The following BICD1 variants were observed in gnomAD, a reference collection of about 807,000 sequenced individuals.
BICD1 encodes protein bicaudal D homolog 1.
A neutral mutation model predicts 92.5 loss-of-function variants in BICD1; 35 were observed. The observed-to-expected ratio is 0.38, with a 90% CI of 0.29 to 0.50. The LOEUF is 0.50. Among genes scored for constraint, BICD1 ranks in the 20% least tolerant of loss-of-function variants. The pLI is 0.93. For missense variants in BICD1, 950 were observed against 1,189.8 expected (o/e 0.80, Z 2.97); for synonymous variants, 429 against 465.1 (o/e 0.92, Z 1.00).
At position 32,361,943 on chromosome 12, in the gene BICD1, A is replaced by T. The variant is rs115116052; in HGVS notation, c.2765-5727A>T. Among the ~76,000 whole-genome samples the T allele has an allele frequency of 2.1e-3, 314 of 152,338 alleles. 1 individual carries two copies. The highest frequency in any genetic ancestry group is 7.3e-3 in the African/African-American group (302 of 41,582). ...GTGCTCACCAGTGCCCACTGCTGCC[A>T]TCTGGGCCAGGTGTGGAGCCAAAAC... On this transcript the variant is annotated intron_variant, in intron 8 of 9. Coordinates refer to ENST00000652176, the MANE Select transcript of BICD1 (RefSeq NM_001714.4).
intron 1 of BICD1, among the ~76,000 whole-genome samples, chr12:32,120,862 A>C: frequency 8.9e-6 from 1 of 112,940 alleles, no homozygotes. Context: ...AGGAAAATCA[A>C]CCATTAGAGA....
At chr12:32,271,576 T>G (rs1238836257) in intron 2 of BICD1, among the ~76,000 whole-genome samples, 1 of 152,176 alleles carries the variant, frequency 6.6e-6, no homozygotes, top group Non-Finnish European at 1.5e-5. Context: ...AATCACTGCC[T>G]AAAACCAGTC....
intron 9 of BICD1, among the ~76,000 whole-genome samples, chr12:32,368,976 G>A (rs1006884731): frequency 2.0e-5 from 3 of 152,184 alleles, no homozygotes; most frequent in African/African-American, 7.2e-5. Context: ...CTGTGTTTCT[G>A]TTCTCTGTCC....
rs536971298 is a variant in BICD1, at chr12:32,108,621, ATTAT to A, written c.213+1084_213+1087del. ...GTTTGGCATATAATATCAAAAATCT[ATTAT>A]TTATTTTATGCTGTTACAGTTAAAA... On this transcript the variant is annotated intron_variant, in intron 1 of 9. Coordinates refer to ENST00000652176, the MANE Select transcript of BICD1 (RefSeq NM_001714.4). 1.4e-3 allele frequency: 931 copies of A among 682,008 alleles called. 1 individual carries two copies. Among genetic ancestry groups the A allele is most frequent in the Non-Finnish European group, 2.1e-3 (777 of 377,532 alleles). 42.2% of individuals were successfully genotyped at this position (682,008 alleles called of 1,614,324 possible). A position where few individuals can be genotyped will look rare whatever the true frequency, so the allele number is the denominator to read the frequency against.
At chr12:32,262,334 A>G (rs1946880878) in intron 2 of BICD1, among the ~76,000 whole-genome samples, 1 of 151,906 alleles carries the variant, frequency 6.6e-6, no homozygotes, top group East Asian at 1.9e-4. Context: ...TGCTTTCCCT[A>G]TTCAGTCTCC....
At position 32,282,202 on chromosome 12, in the gene BICD1, C is replaced by CT. The variant is rs56217529; in HGVS notation, c.427-11756dup. ...GCAAGACCCAGCTTCAGGTCTTCTT[C>CT]TTTTTTTTTTTTTTTTTTTTTTTTT... On this transcript the variant is annotated intron_variant, in intron 2 of 9. Transcript: ENST00000652176. Among the ~76,000 whole-genome samples the CT allele has an allele frequency of 7.3e-3, 686 of 94,186 alleles. 71 individuals carry two copies. The highest frequency in any genetic ancestry group is 0.01 in the African/African-American group (229 of 22,440). 61.8% of individuals were successfully genotyped at this position (94,186 alleles called of 152,430 possible).
intron 2 of BICD1, among the ~76,000 whole-genome samples, chr12:32,224,815 C>T (rs1028229320): frequency 6.6e-6 from 1 of 152,148 alleles, no homozygotes; most frequent in African/African-American, 2.4e-5. Flanking sequence ...GATTCTCCTG[C>T]CTCAGCCTCC....
chr12:32,236,648 GC>G (rs1173959716), intron 2 of BICD1, among the ~76,000 whole-genome samples: 6 of 152,126 alleles, frequency 3.9e-5, no homozygotes, highest in Admixed American at 3.9e-4. Context: ...AGTGAGGAAG[GC>G]ATGTTGAAAG....
intron 2 of BICD1, among the ~76,000 whole-genome samples, chr12:32,253,124 C>T (rs1348390419): frequency 6.6e-6 from 1 of 152,126 alleles, no homozygotes; most frequent in Non-Finnish European, 1.5e-5. Context: ...CTCAAGCAGT[C>T]GGCCCGCCTT....
chr12:32,139,556 G>A (rs1346592333), intron 1 of BICD1, among the ~76,000 whole-genome samples: 4 of 152,146 alleles, frequency 2.6e-5, no homozygotes, highest in Admixed American at 1.3e-4. Flanking sequence ...TGGGCACAAA[G>A]GGTTTTTTTG....
At position 32,107,017 on chromosome 12, in the gene BICD1, C is replaced by T; in HGVS notation, c.-315C>T. The T allele has an allele frequency of 3.2e-6, 1 of 313,166 alleles. No homozygotes were observed. Among genetic ancestry groups the T allele is most frequent in the Non-Finnish European group, 5.9e-6 (1 of 169,278 alleles). The allele number at this position is 313,166 out of a possible 1,614,324, so 19.4% of individuals were successfully genotyped here. ...ATCCGGAGCCCCTCGCTACCCGCGG[C>T]CGCCGCAGCCCGGGCCATGCCGCAC... is the stretch of plus-strand genomic sequence containing the variant. On this transcript the variant is annotated 5_prime_UTR_variant, in exon 1 of 10. Coordinates refer to ENST00000652176, the MANE Select transcript of BICD1 (RefSeq NM_001714.4).
intron 1 of BICD1, among the ~76,000 whole-genome samples, chr12:32,194,535 A>G (rs1009571555): frequency 8.5e-5 from 13 of 152,254 alleles, no homozygotes; most frequent in Non-Finnish European, 1.9e-4. Flanking sequence ...ATTTCTGTAT[A>G]CTGACAACTA....
chr12:32,118,536 T>G (rs546399161), intron 1 of BICD1, among the ~76,000 whole-genome samples: 5 of 152,346 alleles, frequency 3.3e-5, no homozygotes, highest in African/African-American at 1.2e-4. Flanking sequence ...CATTGTTCCC[T>G]GAATAATTCA....
chr12:32,334,752 G>A, intron 6 of BICD1, 85 bp downstream of exon 6: 2 of 1,444,758 alleles, frequency 1.4e-6, no homozygotes, highest in Non-Finnish European at 1.9e-6. Context: ...TGCATGTTGA[G>A]TGTATTCGGT....
chr12:32,306,523 G>T (rs531243696), intron 4 of BICD1, among the ~76,000 whole-genome samples: 7 of 152,042 alleles, frequency 4.6e-5, no homozygotes, highest in Admixed American at 1.3e-4. Flanking sequence ...GATTACAGGC[G>T]TGAGCCACCG....
intron 8 of BICD1, among the ~76,000 whole-genome samples, chr12:32,362,513 C>G (rs538024648): frequency 6.6e-6 from 1 of 152,176 alleles, no homozygotes; most frequent in Admixed American, 6.5e-5. Flanking sequence ...ACAATATTAT[C>G]TTCATTCCTG....
Position 32,328,417 on chromosome 12 carries a change from AGCGG to A in BICD1, c.1963_1966del (p.Ala655LeufsTer4). 2 of 1,614,220 alleles carry A rather than the reference AGCGG, an allele frequency of 1.2e-6. No individual in the cohort carries two copies. The highest frequency in any genetic ancestry group is 1.7e-6 in the Non-Finnish European group (2 of 1,180,038). ...CCTTGCAACTGTCTCGTCAAAGAGC[AGCGG>A]CTCGGGAGCTAGCCCCCATGATTGA... On this transcript the variant is annotated frameshift_variant, in exon 5 of 10. Coordinates refer to ENST00000652176, the MANE Select transcript of BICD1 (RefSeq NM_001714.4). LOFTEE classifies it high-confidence loss of function. This position sits in a 1 kb window ranked among gnomAD's most constrained non-coding sequence, Gnocchi z 4.4.
At chr12:32,341,657 G>A (rs1402684802) in intron 8 of BICD1, among the ~76,000 whole-genome samples, 16 of 152,112 alleles carry the variant, frequency 1.1e-4, no homozygotes, top group South Asian at 4.1e-4. Context: ...ATTATGTATC[G>A]TGGAATCAAC....
chr12:32,225,778 A>G (rs559465837), intron 2 of BICD1, among the ~76,000 whole-genome samples: 68 of 150,822 alleles, frequency 4.5e-4, no homozygotes, highest in African/African-American at 1.6e-3. Context: ...CTACAACCAC[A>G]CCCGGCTAAT....
Sources: allele counts gnomAD v4.1 joint callset (sites outside exome capture counted in the v4.1 genomes callset), GRCh38; gene constraint gnomAD v4.1.1; non-coding constraint Gnocchi (gnomAD v3.1); transcripts MANE v1.5; gene names NCBI Gene and HGNC (gene_info 2026-07-23, HGNC 2026-07-21).